GOLGA8J: variants seen among roughly 807,000 people sequenced by gnomAD.
GOLGA8J encodes the protein golgin A8 family member J, also known as golgin subfamily A member 8J.
In GOLGA8J, 19 loss-of-function variants were observed where a neutral mutation model predicts 67.7. The observed-to-expected ratio is 0.28, with a 90% CI of 0.20 to 0.41. The LOEUF (loss-of-function observed/expected upper bound fraction) is 0.41. Among genes scored for constraint, GOLGA8J ranks in the 10% least tolerant of loss-of-function variants. GOLGA8J has a pLI of 1.00. For missense variants in GOLGA8J, 205 were observed against 584.3 expected (o/e 0.35, Z 6.69); for synonymous variants, 69 against 215.9 (o/e 0.32, Z 5.97).
At chr15:30,089,587 G>T in intron 11 of GOLGA8J, 113 bp from the exon 12 acceptor site, 1 of 604,864 alleles carries the variant, frequency 1.7e-6, no homozygotes, top group Non-Finnish European at 2.8e-6. Flanking sequence ...TGGGTGCGAG[G>T]AATCATTAGC....
chr15:30,084,642 A>T, intron 1 of GOLGA8J, 129 bp from the exon 2 acceptor site: 1 of 502,840 alleles, frequency 2.0e-6, no homozygotes, highest in Middle Eastern at 5.8e-4. Context: ...GAGTGTGACA[A>T]CACCTTGTAC....
At chr15:30,084,560 T>C (rs1226578558) in intron 1 of GOLGA8J, among the ~76,000 whole-genome samples, 5 of 99,114 alleles carry the variant, frequency 5.0e-5, no homozygotes, top group South Asian at 3.6e-4. Flanking sequence ...AAGACTGAGT[T>C]TCAAAGTTCC....
rs1169288833 is a variant in GOLGA8J at position 30,096,617 on chromosome 15, T to G, written c.*3118T>G. Among the ~76,000 whole-genome samples, 8 of 148,380 alleles carry G rather than the reference T, an allele frequency of 5.4e-5. No individual in the cohort carries two copies. Among genetic ancestry groups the G allele is most frequent in the African/African-American group, 2.0e-4 (8 of 39,548 alleles). On this transcript the variant is annotated 3_prime_UTR_variant, in exon 19 of 19. Coordinates refer to ENST00000567927, the MANE Select transcript of GOLGA8J (RefSeq NM_001282472.2). The stretch of plus-strand genomic sequence containing the variant: ...AATGTGTCGTGGAAATACTGAAAGA[T>G]TTTTCCCTAGAGTGGCCTTATTGAC...
At position 30,094,318 on chromosome 15, in the gene GOLGA8J, G is replaced by A. The variant is rs1409491718; in HGVS notation, c.*819G>A. Among the ~76,000 whole-genome samples the A allele has an allele frequency of 6.8e-6, 1 of 147,738 alleles. No individual in the cohort carries two copies. The highest frequency in any genetic ancestry group is 2.6e-5 in the African/African-American group (1 of 38,418). ...ACTCTTTTTCGATGACCTAAAAAGGGCTTATTTCTGAGGAATGAAAGGTTC... is the reference window on the plus strand; with the variant it reads ...ACTCTTTTTCGATGACCTAAAAAGGACTTATTTCTGAGGAATGAAAGGTTC... On this transcript the variant is annotated 3_prime_UTR_variant, in exon 19 of 19. Transcript: ENST00000567927.
chr15:30,084,854 G>C lies in GOLGA8J; in HGVS notation c.132G>C (p.Glu44Asp), dbSNP rs776018569. The change falls in exon 2 of 19, where the codon GAG becomes GAC. Residue 44 changes from glutamate (E) to aspartate (D), a missense_variant. Glu to Asp is a conservative substitution (Grantham distance 45). Transcript: ENST00000567927. ...GGAAAACAAATGGCAGTATCCCTGA[G>C]AAAGCCACTTCTGGTGGTTGCCAGC... ...RNRKTNGSIP[E>D]KATSGGCQPP... 3 of 1,425,884 alleles carry C rather than the reference G, an allele frequency of 2.1e-6. No homozygotes were observed. The highest frequency in any genetic ancestry group is 2.7e-6 in the Non-Finnish European group (3 of 1,100,078). The allele number at this position is 1,425,884 out of a possible 1,614,324, so 88.3% of individuals were successfully genotyped here.
chr15:30,084,962 T>G, intron 2 of GOLGA8J, 72 bp downstream of exon 2: 1 of 1,471,626 alleles, frequency 6.8e-7, no homozygotes, highest in Admixed American at 1.8e-5. Context: ...GTTAAGATTG[T>G]GGATGGACTG....
chr15:30,093,026 G>T lies in GOLGA8J; in HGVS notation c.1567+38G>T. 6.5e-6 allele frequency: 8 copies of T among 1,221,418 alleles called. 3 individuals are homozygous for T. The highest frequency in any genetic ancestry group is 8.4e-6 in the Non-Finnish European group (8 of 947,916). 75.7% of individuals were successfully genotyped at this position (1,221,418 alleles called of 1,614,324 possible). ...ACATTTCTGTGGGGGTGGGGGTGGG[G>T]GTGGGTGTGAGGGTGGGCGCAGGCA... On this transcript the variant is annotated intron_variant, in intron 17 of 18. Coordinates refer to ENST00000567927, the MANE Select transcript of GOLGA8J (RefSeq NM_001282472.2).
rs1225538976 is a variant in GOLGA8J, at chr15:30,083,049, T to A, written c.-4T>A. 1.1e-4 allele frequency: 5 copies of A among 46,344 alleles called. No homozygotes were observed. The Admixed American group carries it at 1.4e-3, about 13-fold the overall frequency. 2.9% of individuals were successfully genotyped at this position (46,344 alleles called of 1,614,324 possible). ...CCCAACCCTGCCTCCCTCCCCACCC[T>A]GCGATGGCAGAAGAAACTCAACACA... On this transcript the variant is annotated 5_prime_UTR_variant, in exon 1 of 19. Transcript: ENST00000567927.
chr15:30,084,599 A>G (rs1465791651), intron 1 of GOLGA8J, among the ~76,000 whole-genome samples, 172 bp from the exon 2 acceptor site: 2 of 104,750 alleles, frequency 1.9e-5, no homozygotes, highest in Non-Finnish European at 3.5e-5. Context: ...TTTTTTTTCT[A>G]GCCATGATAT....
Position 30,092,345 on chromosome 15 carries a change from C to G in GOLGA8J, c.1368+212C>G, listed in dbSNP as rs370294177. Among the ~76,000 whole-genome samples, 14 of 142,216 alleles carry G rather than the reference C, an allele frequency of 9.8e-5. 1 individual carries two copies. Among genetic ancestry groups the G allele is most frequent in the Admixed American group, 2.8e-4 (4 of 14,448 alleles). 93.3% of individuals were successfully genotyped at this position (142,216 alleles called of 152,430 possible). ...TGCGCTCCACCTCTCTGCCCCATTTCTTCTGTGTATGCCCCTAGAAGAATG... is the reference window on the plus strand; with the variant it reads ...TGCGCTCCACCTCTCTGCCCCATTTGTTCTGTGTATGCCCCTAGAAGAATG... On this transcript the variant is annotated intron_variant, in intron 15 of 18. Coordinates refer to ENST00000567927, the MANE Select transcript of GOLGA8J (RefSeq NM_001282472.2).
rs77995724 is a variant in GOLGA8J at position 30,096,227 on chromosome 15, A to G, written c.*2728A>G. Among the ~76,000 whole-genome samples, 547 of 150,428 alleles carry G rather than the reference A, an allele frequency of 3.6e-3. 5 individuals carry two copies. The highest frequency in any genetic ancestry group is 5.7e-3 in the Non-Finnish European group (390 of 67,854). On this transcript the variant is annotated 3_prime_UTR_variant, in exon 19 of 19. Transcript: ENST00000567927. ...ACCTATTTAAAGATGGCAATATATA[A>G]TAATCATTTTAAAAGTATTTGATTC... is the stretch of plus-strand genomic sequence containing the variant.
At position 30,092,064 on chromosome 15, in the gene GOLGA8J, C is replaced by T. The variant is rs772465275; in HGVS notation, c.1299C>T (p.Asp433=). ...CAGGACACGGAGGAGAACATCTGGA[C>T]AGTGAGGGGGAGGAGGCACCTCGGC... is the stretch of plus-strand genomic sequence containing the variant. ...PGEGHGGEHL[D]SEGEEAPRPM... Residue 433 remains aspartate (D), a synonymous_variant, in exon 15 of 19, where the codon GAC becomes GAT. Transcript: ENST00000567927. 2.5e-6 allele frequency: 4 copies of T among 1,597,934 alleles called. No homozygotes were observed. The South Asian group carries it at 3.3e-5, about 13-fold the overall frequency.
intron 8 of GOLGA8J, chr15:30,088,432 T>C (rs1363444962): frequency 2.2e-6 from 1 of 464,378 alleles, no homozygotes; most frequent in Non-Finnish European, 3.8e-6. Flanking sequence ...GAGGATTAAA[T>C]GGGATTGTTA....
rs1008099108 is a variant in GOLGA8J at position 30,090,342 on chromosome 15, T to G, written c.1200+62T>G. On this transcript the variant is annotated intron_variant, in intron 13 of 18. Transcript: ENST00000567927. ...GGCTGGGAGGCGGGCAGCAGCCTCT[T>G]GGGAGGGGAGGTGCCAGGCCAGAGG... 1.5e-3 allele frequency: 2,012 copies of G among 1,337,726 alleles called. 117 individuals carry two copies. In the African/African-American group the frequency reaches 0.029, roughly 19 times the overall value. The allele number at this position is 1,337,726 out of a possible 1,614,324, so 82.9% of individuals were successfully genotyped here. A position where few individuals can be genotyped will look rare whatever the true frequency, so the allele number is the denominator to read the frequency against.
At chr15:30,090,646 G>A (rs1371838294) in intron 13 of GOLGA8J, among the ~76,000 whole-genome samples, 5 of 125,376 alleles carry the variant, frequency 4.0e-5, no homozygotes, top group African/African-American at 7.2e-5. Context: ...TTTGAGATCA[G>A]CCTGGCCAAT....
intron 12 of GOLGA8J, 98 bp downstream of exon 12, chr15:30,090,054 T>TGTTA: frequency 1.5e-6 from 2 of 1,300,828 alleles, no homozygotes; most frequent in Non-Finnish European, 1.0e-6. Context: ...TCACATGAAA[T>TGTTA]GTTACTTCTA....
At chr15:30,088,044 CGTGTGTGCGT>C (rs2057354169) in intron 8 of GOLGA8J, 1 of 508,996 alleles carries the variant, frequency 2.0e-6, no homozygotes, top group Admixed American at 2.4e-5. Flanking sequence ...AAAGAGGAAA[CGTGTGTGCGT>C]GTGTGTGTGT....
At position 30,084,801 on chromosome 15, in the gene GOLGA8J, A is replaced by G. The variant is rs1260638807; in HGVS notation, c.79A>G (p.Arg27Gly). 1.9e-5 allele frequency: 23 copies of G among 1,242,136 alleles called. 2 individuals carry two copies. Among genetic ancestry groups the G allele is most frequent in the Non-Finnish European group, 2.4e-5 (23 of 948,640 alleles). The allele number at this position is 1,242,136 out of a possible 1,614,324, so 76.9% of individuals were successfully genotyped here. A position where few individuals can be genotyped will look rare whatever the true frequency, so the allele number is the denominator to read the frequency against. Residue 27 changes from arginine (R) to glycine (G), a missense_variant, in exon 2 of 19, where the codon AGA becomes GGA. Physicochemically the swap from Arg to Gly is moderately radical, Grantham distance 125 (BLOSUM62 -2). Transcript: ENST00000567927. Reference sequence around the variant, plus strand: ...AGAATATTGGCAGAAAAACAGCCCTAGAGTTCCAGCAGGAGCGAACAGGAA... The same window carrying G: ...AGAATATTGGCAGAAAAACAGCCCTGGAGTTCCAGCAGGAGCGAACAGGAA... ...LKEYWQKNSPRVPAGANRNRK... is the reference protein window; with the variant it reads ...LKEYWQKNSPGVPAGANRNRK...
At position 30,096,275 on chromosome 15, in the gene GOLGA8J, GAAAAA is replaced by G. The variant is rs550965620; in HGVS notation, c.*2783_*2787del. Among the ~76,000 whole-genome samples the G allele has an allele frequency of 6.9e-6, 1 of 145,024 alleles. No homozygotes were observed. The highest frequency in any genetic ancestry group is 1.5e-5 in the Non-Finnish European group (1 of 66,384). ...TTCAACCTGATAATTTTCCAGAAAT[GAAAAA>G]AAAAAATCAGCTCTAAAACCAAAGC... is the stretch of plus-strand genomic sequence containing the variant. On this transcript the variant is annotated 3_prime_UTR_variant, in exon 19 of 19. Transcript: ENST00000567927.
Sources: allele counts gnomAD v4.1 joint callset (sites outside exome capture counted in the v4.1 genomes callset), GRCh38; gene constraint gnomAD v4.1.1; transcripts MANE v1.5; gene names NCBI Gene and HGNC (gene_info 2026-07-23, HGNC 2026-07-21).